GPHN: variants seen among roughly 807,000 people sequenced by gnomAD.
GPHN encodes gephyrin.
GPHN carries 17 observed loss-of-function variants against 95.5 expected under a neutral mutation model. That is an observed-to-expected ratio of 0.18 (90% CI 0.12 to 0.27). The LOEUF (loss-of-function observed/expected upper bound fraction) is 0.27, where lower values mean the gene tolerates loss of function less well. Ranked by LOEUF, GPHN falls within the 10% of genes least tolerant of loss-of-function variation. GPHN has a pLI of 1.00. For synonymous variants in GPHN, 320 were observed against 322.5 expected, an observed-to-expected ratio of 0.99 and a Z score of 0.08; for missense variants, 660 against 978.1, an observed-to-expected ratio of 0.67 and a Z score of 4.34.
rs2059665395 is a variant in GPHN at position 66,783,186 on chromosome 14, GT to G, written c.201+6668del. On this transcript the variant is annotated intron_variant, in intron 3 of 22. Coordinates refer to ENST00000478722, the MANE Select transcript of GPHN (RefSeq NM_020806.5). ...GGAAAAACTGTTCAGTTCCCTTATA[GT>G]TTCAGTTGAGTCAAGCAGGCAGCTG... Among the ~76,000 whole-genome samples the G allele has an allele frequency of 1.3e-5, 2 of 152,176 alleles. 1 individual carries two copies. The highest frequency in any genetic ancestry group is 4.1e-4 in the South Asian group (2 of 4,832).
the GPHN span, among the ~76,000 whole-genome samples, chr14:67,599,522 A>C: frequency 6.6e-6 from 1 of 152,194 alleles, no homozygotes; most frequent in Non-Finnish European, 1.5e-5. Context: ...AAAAACAGAG[A>C]TTAGGAAGAA....
the GPHN span, chr14:67,571,961 A>C: frequency 1.3e-6 from 2 of 1,546,974 alleles, no homozygotes; most frequent in South Asian, 1.2e-5. Context: ...ACCTCTTCCC[A>C]TGGGCACTTG....
At chr14:66,615,687 G>A (rs958825289) in intron 1 of GPHN, among the ~76,000 whole-genome samples, 3 of 151,912 alleles carry the variant, frequency 2.0e-5, no homozygotes, top group Non-Finnish European at 4.4e-5. Context: ...TCTGATGATA[G>A]TTTCTTTTGC....
rs114538008 is a variant in GPHN at position 66,905,029 on chromosome 14, A to C, written c.390-10974A>C. ...GCTTTCTACCCCTTGATCTTCCTCAACTCCCTCTTGAACATCAATAAAATA... is the reference window on the plus strand; with the variant it reads ...GCTTTCTACCCCTTGATCTTCCTCACCTCCCTCTTGAACATCAATAAAATA... On this transcript the variant is annotated intron_variant, in intron 5 of 22. Coordinates refer to ENST00000478722, the MANE Select transcript of GPHN (RefSeq NM_020806.5). 3.9e-3 allele frequency among the ~76,000 whole-genome samples: 594 copies of C among 151,292 alleles called. 3 individuals are homozygous for C. Among genetic ancestry groups the C allele is most frequent in the African/African-American group, 0.013 (556 of 41,202 alleles).
the GPHN span, chr14:67,587,335 G>A: frequency 5.0e-5 from 65 of 1,300,022 alleles, no homozygotes; most frequent in South Asian, 3.5e-4. Flanking sequence ...AACAGCCCCC[G>A]GCTACTCTTG....
chr14:66,762,959 A>G (rs763395007), intron 2 of GPHN, among the ~76,000 whole-genome samples: 13 of 152,172 alleles, frequency 8.5e-5, no homozygotes, highest in Non-Finnish European at 7.3e-5. Context: ...TTATTTTCCA[A>G]AATTATTTTG....
At position 66,600,850 on chromosome 14, in the gene GPHN, C is replaced by A. The variant is rs79144685; in HGVS notation, c.65-80257C>A. Among the ~76,000 whole-genome samples, 1,444 of 152,170 alleles carry A rather than the reference C, an allele frequency of 9.5e-3. 20 individuals are homozygous for A. Among genetic ancestry groups the A allele is most frequent in the African/African-American group, 0.032 (1,335 of 41,550 alleles). Reference sequence around the variant, plus strand: ...TTGTTCAGTTTCAGCTGATAGGATGCAAATCAGGTGACTCAAAATTCTCCT... The same window carrying A: ...TTGTTCAGTTTCAGCTGATAGGATGAAAATCAGGTGACTCAAAATTCTCCT... On this transcript the variant is annotated intron_variant, in intron 1 of 22. Transcript: ENST00000478722.
chr14:66,770,355 T>C (rs1163288882), intron 2 of GPHN, among the ~76,000 whole-genome samples: 1 of 152,162 alleles, frequency 6.6e-6, no homozygotes, highest in Admixed American at 6.5e-5. Context: ...TGTCAATTTT[T>C]GCTTTTGTTG....
chr14:67,656,396 C>T, the GPHN span: 3 of 1,566,888 alleles, frequency 1.9e-6, no homozygotes, highest in East Asian at 4.5e-5. Context: ...TTGCCCCTTT[C>T]CCTGTCTGCC....
chr14:67,332,866 C>T, the GPHN span: 26 of 1,613,950 alleles, frequency 1.6e-5, no homozygotes, highest in East Asian at 6.7e-5. Context: ...TTGTGAATTC[C>T]GATCTTGATA....
Position 66,863,084 on chromosome 14 carries a change from A to C in GPHN, c.295-16855A>C, listed in dbSNP as rs2063091623. 2.0e-5 allele frequency among the ~76,000 whole-genome samples: 3 copies of C among 152,044 alleles called. No individual in the cohort carries two copies. The South Asian group carries it at 6.2e-4, about 32-fold the overall frequency. On this transcript the variant is annotated intron_variant, in intron 4 of 22. Transcript: ENST00000478722. ...TATTATATCTAGAAAAAAACTAAAG[A>C]CTCCACCAAACAACTATTAGAACTG...
the GPHN span, among the ~76,000 whole-genome samples, chr14:67,514,767 C>T: frequency 6.6e-6 from 1 of 152,136 alleles, no homozygotes; most frequent in African/African-American, 2.4e-5. Context: ...CCCCCTGACA[C>T]CCCTTTGTTT....
chr14:66,616,763 A>G (rs1457997165), intron 1 of GPHN, among the ~76,000 whole-genome samples: 1 of 151,986 alleles, frequency 6.6e-6, no homozygotes, highest in African/African-American at 2.4e-5. Context: ...GCTGGAGTGC[A>G]GTGGTGCCAT....
At chr14:67,344,901 AAAC>A in the GPHN span, among the ~76,000 whole-genome samples, 2 of 151,062 alleles carry the variant, frequency 1.3e-5, no homozygotes, top group Admixed American at 6.6e-5. Context: ...ACAAACAAAC[AAAC>A]AAAAAAAACA....
chr14:67,463,796 C>G, the GPHN span, among the ~76,000 whole-genome samples: 1 of 152,144 alleles, frequency 6.6e-6, no homozygotes, highest in African/African-American at 2.4e-5. Flanking sequence ...GAGCTAAATA[C>G]ACCAAACTAA....
At chr14:67,524,108 T>G in the GPHN span, among the ~76,000 whole-genome samples, 4 of 152,184 alleles carry the variant, frequency 2.6e-5, no homozygotes, top group African/African-American at 9.6e-5. Flanking sequence ...AATGGGAGAT[T>G]AATACTCTCT....
At chr14:67,683,275 A>G in the GPHN span, among the ~76,000 whole-genome samples, 1 of 152,088 alleles carries the variant, frequency 6.6e-6, no homozygotes. Context: ...AAACCAAGAT[A>G]AAGGGTTATT....
At chr14:66,604,008 T>G (rs561762831) in intron 1 of GPHN, among the ~76,000 whole-genome samples, 37 of 152,264 alleles carry the variant, frequency 2.4e-4, no homozygotes, top group African/African-American at 7.9e-4. Context: ...TCTTGGGGAA[T>G]GAACACTTGT....
chr14:67,070,329 T>TA (rs1567289317), intron 11 of GPHN, among the ~76,000 whole-genome samples: 111 of 110,888 alleles, frequency 1.0e-3, no homozygotes, highest in East Asian at 2.0e-3. Flanking sequence ...TTAAATATTT[T>TA]TATATATATA....
Sources: allele counts gnomAD v4.1 joint callset (sites outside exome capture counted in the v4.1 genomes callset), GRCh38; gene constraint gnomAD v4.1.1; transcripts MANE v1.5; gene names NCBI Gene and HGNC (gene_info 2026-07-23, HGNC 2026-07-21).